The following SOCS2 variants were observed in gnomAD, a reference collection of about 807,000 sequenced individuals.
The protein encoded by SOCS2 is CIS-2.
SOCS2 carries 10 observed loss-of-function variants against 18.6 expected under a neutral mutation model. The ratio of observed to expected loss-of-function variants is 0.54; its 90% CI spans 0.33 to 0.91. SOCS2 has a LOEUF of 0.91. SOCS2 is among the 40% of genes least tolerant of loss of function. The probability of loss-of-function intolerance (pLI) is 0.02; values close to 1 mark genes in which losing one functional copy is unlikely to be tolerated. For missense variants in SOCS2, 231 were observed against 247.2 expected (o/e 0.93, Z 0.44); for synonymous variants, 104 against 104.0 (o/e 1.00, Z 0.00).
downstream of SOCS2, among the ~76,000 whole-genome samples, chr12:93,585,197 C>T (rs1331995482): frequency 2.0e-5 from 3 of 151,658 alleles, no homozygotes; most frequent in Non-Finnish European, 4.4e-5. Flanking sequence ...AGCCATTTTA[C>T]GTTGCAGAAC....
the SOCS2 span, among the ~76,000 whole-genome samples, chr12:93,597,761 C>G: frequency 8.6e-4 from 131 of 152,314 alleles, no homozygotes; most frequent in African/African-American, 2.9e-3. Flanking sequence ...ACTTCCTTTG[C>G]TGATTTATTT....
At chr12:93,614,561 T>TTCTTTCTC in the SOCS2 span, among the ~76,000 whole-genome samples, 1 of 50,356 alleles carries the variant, frequency 2.0e-5, no homozygotes, top group East Asian at 4.3e-4. Context: ...CTTTCTTTCT[T>TTCTTTCTC]TCTTTCTTTC....
chr12:93,612,208 TC>T, the SOCS2 span, among the ~76,000 whole-genome samples: 1 of 152,142 alleles, frequency 6.6e-6, no homozygotes, highest in Non-Finnish European at 1.5e-5. Context: ...TCTGTCCATT[TC>T]CCTTCACACT....
chr12:93,588,778 A>G, the SOCS2 span, among the ~76,000 whole-genome samples: 6 of 152,018 alleles, frequency 3.9e-5, no homozygotes, highest in African/African-American at 1.4e-4. Context: ...CACCAAGCCT[A>G]GCTAATTTTT....
At chr12:93,614,480 T>TTCCCTTCCTTCCTTCCTTCC in the SOCS2 span, among the ~76,000 whole-genome samples, 1 of 26,134 alleles carries the variant, frequency 3.8e-5, no homozygotes, top group Non-Finnish European at 6.6e-5. Context: ...CCTTCCTTCC[T>TTCCCTTCCTTCCTTCCTTCC]TTCCTTCCTT....
chr12:93,624,536 C>T, the SOCS2 span, among the ~76,000 whole-genome samples: 1 of 151,302 alleles, frequency 6.6e-6, no homozygotes, highest in African/African-American at 2.4e-5. Context: ...TGCACCACTG[C>T]ACTCAGCCTG....
chr12:93,573,588 T>TTCAAGTA (rs1954344474), intron 1 of SOCS2: 3 of 193,496 alleles, frequency 1.6e-5, no homozygotes, highest in Non-Finnish European at 2.1e-5. Flanking sequence ...TACTGCCGCT[T>TTCAAGTA]TCAAGTACAG....
At chr12:93,615,481 G>T in the SOCS2 span, among the ~76,000 whole-genome samples, 1 of 152,212 alleles carries the variant, frequency 6.6e-6, no homozygotes, top group Non-Finnish European at 1.5e-5. Context: ...GCTTGTACAG[G>T]CAGTTATGTC....
downstream of SOCS2, among the ~76,000 whole-genome samples, chr12:93,577,197 G>A (rs1054618640): frequency 9.2e-5 from 14 of 152,152 alleles, no homozygotes; most frequent in South Asian, 4.2e-4. Flanking sequence ...GTTACTGCTC[G>A]CAAGTGACTA....
At chr12:93,618,379 C>A in the SOCS2 span, among the ~76,000 whole-genome samples, 20 of 152,152 alleles carry the variant, frequency 1.3e-4, no homozygotes, top group African/African-American at 3.6e-4. Flanking sequence ...GCTCAAATTA[C>A]TCTCCTTTCC....
chr12:93,618,800 A>G, the SOCS2 span, among the ~76,000 whole-genome samples: 1 of 152,210 alleles, frequency 6.6e-6, no homozygotes, highest in Non-Finnish European at 1.5e-5. Context: ...TTACCAGAAC[A>G]TAAGCCCCAT....
At chr12:93,578,382 G>A (rs550699561), downstream of SOCS2, among the ~76,000 whole-genome samples, 1 of 152,160 alleles carries the variant, frequency 6.6e-6, no homozygotes, top group Non-Finnish European at 1.5e-5. Context: ...GGAATGTCCT[G>A]AGACCAGGCT....
At chr12:93,607,629 G>A in the SOCS2 span, among the ~76,000 whole-genome samples, 5 of 152,206 alleles carry the variant, frequency 3.3e-5, no homozygotes, top group Non-Finnish European at 5.9e-5. Context: ...TCACAGGGGT[G>A]CCAAGCAAAA....
the SOCS2 span, among the ~76,000 whole-genome samples, chr12:93,611,764 C>T: frequency 6.6e-6 from 1 of 152,156 alleles, no homozygotes; most frequent in African/African-American, 2.4e-5. Context: ...TAAATGATTG[C>T]AGAAATAAAC....
chr12:93,597,637 T>A, the SOCS2 span, among the ~76,000 whole-genome samples: 88 of 152,284 alleles, frequency 5.8e-4, 2 homozygotes, highest in East Asian at 0.015. Flanking sequence ...TTTTAAAAAA[T>A]AATTTTTTGT....
chr12:93,607,504 T>C, the SOCS2 span, among the ~76,000 whole-genome samples: 6,467 of 151,974 alleles, frequency 0.043, 382 homozygotes, highest in African/African-American at 0.13. Flanking sequence ...GAACACAAGA[T>C]ACCTGCTGTA....
chr12:93,591,637 C>T, the SOCS2 span, among the ~76,000 whole-genome samples: 3 of 152,088 alleles, frequency 2.0e-5, no homozygotes, highest in Non-Finnish European at 4.4e-5. Flanking sequence ...AGTGCGGAGC[C>T]CCACGGAGCT....
At chr12:93,584,875 G>A (rs866679628), downstream of SOCS2, among the ~76,000 whole-genome samples, 37 of 151,980 alleles carry the variant, frequency 2.4e-4, no homozygotes, top group African/African-American at 5.1e-4. Flanking sequence ...TGATTCTCTC[G>A]CCTCAGCCTC....
chr12:93,576,555 C>T lies in SOCS2; in HGVS notation c.*1376C>T, dbSNP rs950170748. The T allele has an allele frequency of 3.3e-5, 5 of 152,150 alleles. No homozygotes were observed. Among genetic ancestry groups the T allele is most frequent in the Non-Finnish European group, 5.9e-5 (4 of 68,040 alleles). The allele number at this position is 152,150 out of a possible 1,614,324, so 9.4% of individuals were successfully genotyped here. A position where few individuals can be genotyped will look rare whatever the true frequency, so the allele number is the denominator to read the frequency against. On this transcript the variant is annotated 3_prime_UTR_variant, in exon 2 of 2. Transcript: ENST00000551556. ...AGAAAAATACAAAGTTTTGTGGCCACTTATTTTTTGCTATGTTAGTCTGCA... is the reference window on the plus strand; with the variant it reads ...AGAAAAATACAAAGTTTTGTGGCCATTTATTTTTTGCTATGTTAGTCTGCA...
Sources: allele counts gnomAD v4.1 joint callset (sites outside exome capture counted in the v4.1 genomes callset), GRCh38; gene constraint gnomAD v4.1.1; transcripts MANE v1.5; gene names NCBI Gene and HGNC (gene_info 2026-07-23, HGNC 2026-07-21).